RBFOX1: variants seen among roughly 807,000 people sequenced by gnomAD.
The protein encoded by RBFOX1 is RNA binding fox-1 homolog 1.
In RBFOX1, 8 loss-of-function variants were observed where a neutral mutation model predicts 57.7. The observed-to-expected ratio is 0.14, with a 90% CI of 0.08 to 0.25. The LOEUF (loss-of-function observed/expected upper bound fraction) is 0.25, where lower values mean the gene tolerates loss of function less well. Among genes scored for constraint, RBFOX1 ranks in the 10% least tolerant of loss-of-function variants. The pLI is 1.00. For missense variants in RBFOX1, 611 were observed against 548.5 expected (o/e 1.11, Z -1.14); for synonymous variants, 326 against 222.4 (o/e 1.47, Z -4.15).
chr16:5,646,778 G>C (rs2049068141), intron 3 of RBFOX1, among the ~76,000 whole-genome samples: 1 of 152,068 alleles, frequency 6.6e-6, no homozygotes, highest in South Asian at 2.1e-4. Flanking sequence ...GGGACTACAG[G>C]CGCCCATCAC....
At chr16:5,756,609 C>G (rs532067830) in intron 3 of RBFOX1, among the ~76,000 whole-genome samples, 29 of 152,278 alleles carry the variant, frequency 1.9e-4, no homozygotes, top group East Asian at 1.2e-3. Flanking sequence ...CGTGGCTTAA[C>G]TAATCTGGCA....
chr16:7,305,829 T>C (rs1019115945), intron 4 of RBFOX1, among the ~76,000 whole-genome samples: 1 of 152,232 alleles, frequency 6.6e-6, no homozygotes, highest in African/African-American at 2.4e-5. Flanking sequence ...CGTTCATTAT[T>C]GAGTAAATCG....
At chr16:7,627,434 A>G (rs1248266992) in intron 10 of RBFOX1, among the ~76,000 whole-genome samples, 2 of 152,294 alleles carry the variant, frequency 1.3e-5, no homozygotes, top group East Asian at 1.9e-4. Context: ...CCTAGATTAT[A>G]AGGAATTTGA....
At chr16:5,250,738 G>A (rs1314609331) in intron 1 of RBFOX1, among the ~76,000 whole-genome samples, 2 of 152,142 alleles carry the variant, frequency 1.3e-5, no homozygotes, top group Non-Finnish European at 2.9e-5. Context: ...GTATTCTGAC[G>A]TGTGGATGCA....
At chr16:6,812,952 G>A (rs996927320) in intron 3 of RBFOX1, among the ~76,000 whole-genome samples, 3 of 152,128 alleles carry the variant, frequency 2.0e-5, no homozygotes, top group African/African-American at 7.2e-5. Context: ...GGAGAATAGG[G>A]AAGTAAAGGA....
rs551515351 is a variant in RBFOX1, at chr16:5,485,573, T to C, written c.258+18319T>C. Among the ~76,000 whole-genome samples, 50 of 152,316 alleles carry C rather than the reference T, an allele frequency of 3.3e-4. 1 individual carries two copies. The highest frequency in any genetic ancestry group is 7.2e-4 in the Admixed American group (11 of 15,302). The stretch of plus-strand genomic sequence containing the variant: ...AATTAGGGACTTAAATGGATTTTAA[T>C]ATTTATTCCGCATTATACCTCAAAG... On this transcript the variant is annotated intron_variant, in intron 2 of 2. Coordinates refer to the RBFOX1 transcript ENST00000585867.
intron 3 of RBFOX1, among the ~76,000 whole-genome samples, chr16:6,976,736 A>G (rs2086966201): frequency 6.8e-6 from 1 of 146,402 alleles, no homozygotes; most frequent in African/African-American, 2.6e-5. Flanking sequence ...ATCATGTATC[A>G]TACATATATA....
At chr16:7,288,566 A>G (rs753369429) in intron 4 of RBFOX1, among the ~76,000 whole-genome samples, 19 of 152,282 alleles carry the variant, frequency 1.2e-4, no homozygotes, top group Non-Finnish European at 2.5e-4. Flanking sequence ...CTGGCCGGAG[A>G]GCAGTGGCTC....
At chr16:6,933,113 G>A (rs112824082) in intron 3 of RBFOX1, among the ~76,000 whole-genome samples, 1,793 of 152,244 alleles carry the variant, frequency 0.012, 37 homozygotes, top group African/African-American at 0.041. Context: ...CATTGTATGT[G>A]TAAACCACAT....
chr16:7,227,307 C>T (rs1304705901), intron 4 of RBFOX1, among the ~76,000 whole-genome samples: 2 of 134,390 alleles, frequency 1.5e-5, no homozygotes, highest in African/African-American at 2.5e-5. Context: ...CACACACACA[C>T]AGCAAGGGAG....
intron 3 of RBFOX1, among the ~76,000 whole-genome samples, chr16:6,997,806 C>G (rs538534956): frequency 2.6e-5 from 4 of 152,204 alleles, no homozygotes; most frequent in East Asian, 1.9e-4. Context: ...GGTAGGGTTT[C>G]TTGCTCTGTT....
intron 3 of RBFOX1, among the ~76,000 whole-genome samples, chr16:6,966,785 A>ATCTG (rs1188405696): frequency 3.3e-4 from 18 of 53,988 alleles, no homozygotes; most frequent in Non-Finnish European, 5.4e-4. Context: ...CTATCTATCT[A>ATCTG]TCTATCTGTC....
chr16:6,840,901 A>AAAAAAG (rs1316559010), intron 3 of RBFOX1, among the ~76,000 whole-genome samples: 2 of 151,354 alleles, frequency 1.3e-5, no homozygotes, highest in South Asian at 4.2e-4. Context: ...AAAAAAAAAA[A>AAAAAAG]AAACGAAAAA....
chr16:7,271,554 T>C (rs1485523253), intron 4 of RBFOX1, among the ~76,000 whole-genome samples: 1 of 152,178 alleles, frequency 6.6e-6, no homozygotes, highest in African/African-American at 2.4e-5. Flanking sequence ...GTTAGTATAA[T>C]AACTAGAAGC....
Position 5,296,135 on chromosome 16 carries a change from A to C in RBFOX1, c.219+56030A>C, listed in dbSNP as rs533974295. On this transcript the variant is annotated intron_variant, in intron 1 of 2. Transcript: ENST00000585867. ...AGACGCCTTCTTCATTCAGCCTTGGAGATCTAATCTTGAGCCCTGAATCTT... is the reference window on the plus strand; with the variant it reads ...AGACGCCTTCTTCATTCAGCCTTGGCGATCTAATCTTGAGCCCTGAATCTT... Among the ~76,000 whole-genome samples, 3 of 152,242 alleles carry C rather than the reference A, an allele frequency of 2.0e-5. No individual in the cohort carries two copies. The South Asian group carries it at 6.2e-4, about 32-fold the overall frequency.
intron 2 of RBFOX1, among the ~76,000 whole-genome samples, chr16:5,579,554 C>T (rs2046590470): frequency 1.3e-5 from 2 of 152,088 alleles, no homozygotes; most frequent in South Asian, 2.1e-4. Context: ...TCCTCTAGTC[C>T]ACCTGTTTCT....
chr16:6,339,594 T>G (rs943457642), intron 2 of RBFOX1, among the ~76,000 whole-genome samples: 1 of 152,216 alleles, frequency 6.6e-6, no homozygotes, highest in South Asian at 2.1e-4. Context: ...CTGGTTGGCA[T>G]CAGCTGTTTC....
chr16:6,053,465 C>T (rs1266085298), intron 1 of RBFOX1, among the ~76,000 whole-genome samples: 1 of 152,136 alleles, frequency 6.6e-6, no homozygotes, highest in African/African-American at 2.4e-5. Flanking sequence ...GCAGCTGTCA[C>T]TGCAGTGGCT....
At chr16:7,177,007 C>G (rs1262986442) in intron 4 of RBFOX1, among the ~76,000 whole-genome samples, 1 of 152,120 alleles carries the variant, frequency 6.6e-6, no homozygotes, top group African/African-American at 2.4e-5. Flanking sequence ...CTCACTACCC[C>G]ATGAAGTCTC....
Sources: gnomAD v4.1 joint callset for allele counts (sites outside exome capture counted in the v4.1 genomes callset) on GRCh38, gnomAD v4.1.1 for gene constraint, MANE v1.5 for transcripts, NCBI Gene and HGNC (gene_info 2026-07-23, HGNC 2026-07-21) for gene names.